MGMT: variants seen among roughly 807,000 people sequenced by gnomAD.
The protein encoded by MGMT is O-6-methylguanine-DNA methyltransferase, also known as methylated-DNA--protein-cysteine methyltransferase.
In MGMT, 14 loss-of-function variants were observed where a neutral mutation model predicts 15.9. The ratio of observed to expected loss-of-function variants is 0.88; its 90% CI spans 0.58 to 1.37. The LOEUF (loss-of-function observed/expected upper bound fraction) is 1.37. Among genes scored for constraint, MGMT ranks in the 40% most tolerant of loss-of-function variants. The pLI is 0.00. For missense variants in MGMT, 282 were observed against 268.1 expected (o/e 1.05, Z -0.36); for synonymous variants, 130 against 118.2 (o/e 1.10, Z -0.65).
chr10:129,765,968 G>A (rs1848929253), intron 4 of MGMT, among the ~76,000 whole-genome samples: 1 of 152,206 alleles, frequency 6.6e-6, no homozygotes, highest in Admixed American at 6.5e-5. Context: ...CAACGCCAAA[G>A]GACCAAAGCA....
rs1337477605 is a variant in MGMT at position 129,767,924 on chromosome 10, A to T, written c.*927A>T. 3 of 152,250 alleles carry T rather than the reference A, an allele frequency of 2.0e-5. No homozygotes were observed. The highest frequency in any genetic ancestry group is 7.2e-5 in the African/African-American group (3 of 41,454). 9.4% of individuals were successfully genotyped at this position (152,250 alleles called of 1,614,324 possible). On this transcript the variant is annotated 3_prime_UTR_variant, in exon 5 of 5. Coordinates refer to ENST00000651593, the MANE Select transcript of MGMT (RefSeq NM_002412.5). ...AGCATGGGCGGTGCGCTGCTGTCTG[A>T]TACTTCATTATTGTGTTGTCATCCT...
intron 2 of MGMT, among the ~76,000 whole-genome samples, chr10:129,620,922 A>T (rs544359469): frequency 6.6e-6 from 1 of 151,840 alleles, no homozygotes; most frequent in African/African-American, 2.4e-5. Flanking sequence ...ATTTCATTTT[A>T]TAATTACTAT....
intron 3 of MGMT, among the ~76,000 whole-genome samples, chr10:129,746,154 G>T (rs1005318146): frequency 6.6e-6 from 1 of 151,328 alleles, no homozygotes; most frequent in African/African-American, 2.4e-5. Flanking sequence ...CAGGAGAATG[G>T]CGTGAACCCG....
At chr10:129,492,065 C>T (rs533457846) in intron 1 of MGMT, among the ~76,000 whole-genome samples, 31 of 152,128 alleles carry the variant, frequency 2.0e-4, no homozygotes, top group Non-Finnish European at 2.1e-4. Context: ...TCTGGATTGT[C>T]GTGTTTTTCA....
At chr10:129,512,240 C>T (rs1331573615) in intron 1 of MGMT, among the ~76,000 whole-genome samples, 1 of 152,150 alleles carries the variant, frequency 6.6e-6, no homozygotes, top group South Asian at 2.1e-4. Flanking sequence ...TTGCGGACTG[C>T]CTGTAGTACT....
At chr10:129,750,086 A>G (rs1171960277) in intron 3 of MGMT, among the ~76,000 whole-genome samples, 1 of 152,094 alleles carries the variant, frequency 6.6e-6, no homozygotes, top group East Asian at 1.9e-4. Flanking sequence ...TCAGAGTCTC[A>G]GCATCTTTTG....
At chr10:129,502,185 C>T (rs1339482387) in intron 1 of MGMT, among the ~76,000 whole-genome samples, 1 of 152,184 alleles carries the variant, frequency 6.6e-6, no homozygotes, top group Non-Finnish European at 1.5e-5. Flanking sequence ...GTCCTGGCCG[C>T]AGTCCAGGCT....
chr10:129,544,828 C>G (rs1328166268), intron 2 of MGMT, among the ~76,000 whole-genome samples: 1 of 150,968 alleles, frequency 6.6e-6, no homozygotes, highest in Non-Finnish European at 1.5e-5. Context: ...TTCAATGAAC[C>G]CCTGTGAGAA....
In MGMT at chr10:129,680,388, G is replaced by A. The variant is rs558123965; in HGVS notation, c.126-27507G>A. Among the ~76,000 whole-genome samples the A allele has an allele frequency of 4.5e-4, 69 of 152,318 alleles. 1 individual carries two copies. In the South Asian group the frequency reaches 0.014, roughly 30 times the overall value. On this transcript the variant is annotated intron_variant, in intron 2 of 4. Coordinates refer to ENST00000651593, the MANE Select transcript of MGMT (RefSeq NM_002412.5). ...CCCCTTTCCAGCGCTGCAGTGGGTT[G>A]TGGAAATTGTTGAGAGGAGAAACCA...
At position 129,639,058 on chromosome 10, in the gene MGMT, T is replaced by C. The variant is rs74440457; in HGVS notation, c.126-68837T>C. ...CAAAAATAATTTGTATTCTTGAAAA[T>C]ATATAGCCATGGAAGTATACATTTT... On this transcript the variant is annotated intron_variant, in intron 2 of 4. Coordinates refer to ENST00000651593, the MANE Select transcript of MGMT (RefSeq NM_002412.5). Among the ~76,000 whole-genome samples, 32 of 152,144 alleles carry C rather than the reference T, an allele frequency of 2.1e-4. 1 individual carries two copies. The East Asian group carries it at 6.0e-3, about 28-fold the overall frequency.
chr10:129,555,205 C>G (rs778540820), intron 2 of MGMT, among the ~76,000 whole-genome samples: 14 of 152,324 alleles, frequency 9.2e-5, no homozygotes, highest in Non-Finnish European at 1.3e-4. Flanking sequence ...CCTTAGATGT[C>G]CCTGTCTTTG....
At chr10:129,731,136 G>T (rs556115992) in intron 3 of MGMT, among the ~76,000 whole-genome samples, 1 of 152,200 alleles carries the variant, frequency 6.6e-6, no homozygotes, top group Non-Finnish European at 1.5e-5. Context: ...CTCTGAGGTC[G>T]TGTTCTGGCG....
At chr10:129,575,644 C>A (rs1846472461) in intron 2 of MGMT, among the ~76,000 whole-genome samples, 1 of 147,978 alleles carries the variant, frequency 6.8e-6, no homozygotes, top group South Asian at 2.3e-4. Context: ...CAAGAGCAAA[C>A]ACATTCAAAA....
intron 2 of MGMT, chr10:129,700,214 G>T (rs559210886): frequency 1.3e-5 from 2 of 152,176 alleles, no homozygotes; most frequent in African/African-American, 4.8e-5. Flanking sequence ...TCATGAGCCC[G>T]TTGGCATGCC....
At chr10:129,662,951 G>T (rs967753984) in intron 2 of MGMT, among the ~76,000 whole-genome samples, 1 of 152,094 alleles carries the variant, frequency 6.6e-6, no homozygotes, top group Admixed American at 6.5e-5. Flanking sequence ...ATAGCAACAC[G>T]GAAATTGTCA....
chr10:129,522,381 G>C (rs1012121906), intron 1 of MGMT, among the ~76,000 whole-genome samples: 6 of 152,198 alleles, frequency 3.9e-5, no homozygotes, highest in African/African-American at 1.4e-4. Context: ...GAAAGCTACT[G>C]TTCCTTTCCT....
Position 129,717,288 on chromosome 10 carries a change from A to G in MGMT, c.274+9245A>G, listed in dbSNP as rs900102085. ...GGGTTTTAATTAAATTTCAGAATAT[A>G]TGGAATTCTTCATTAGTACCTGCTC... On this transcript the variant is annotated intron_variant, in intron 3 of 4. Transcript: ENST00000651593. Among the ~76,000 whole-genome samples the G allele has an allele frequency of 1.6e-4, 25 of 152,258 alleles. 1 individual carries two copies. The highest frequency in any genetic ancestry group is 5.3e-4 in the African/African-American group (22 of 41,468).
In MGMT at chr10:129,469,855, C is replaced by A. The variant is rs531181268; in HGVS notation, c.-13+2559C>A. Among the ~76,000 whole-genome samples, 6 of 152,104 alleles carry A rather than the reference C, an allele frequency of 3.9e-5. No individual in the cohort carries two copies. In the South Asian group the frequency reaches 1.3e-3, roughly 32 times the overall value. ...CCAAGTACCAGGGACTACAGGTGTG[C>A]GCCACCATACCTGGCTAATTGTTGT... On this transcript the variant is annotated intron_variant, in intron 1 of 4. Transcript: ENST00000651593.
chr10:129,506,660 ATC>A (rs1845628530), intron 1 of MGMT, among the ~76,000 whole-genome samples: 1 of 151,916 alleles, frequency 6.6e-6, no homozygotes, highest in African/African-American at 2.4e-5. Context: ...CTGTCCTCCC[ATC>A]TCTCGTTCCT....
Sources: gnomAD v4.1 joint callset for allele counts (sites outside exome capture counted in the v4.1 genomes callset) on GRCh38, gnomAD v4.1.1 for gene constraint, MANE v1.5 for transcripts, NCBI Gene and HGNC (gene_info 2026-07-23, HGNC 2026-07-21) for gene names.